Variants in CDH13 observed in about 807,000 individuals in gnomAD.
CDH13 encodes the protein cadherin-13.
Under a neutral mutation model 63.8 loss-of-function variants are expected in CDH13, and 24 were observed. That is an observed-to-expected ratio of 0.38 (90% CI 0.27 to 0.53). CDH13 has a LOEUF of 0.53. Ranked by LOEUF, CDH13 falls within the 20% of genes least tolerant of loss-of-function variation. The probability of loss-of-function intolerance (pLI) is 0.85; values close to 1 mark genes in which losing one functional copy is unlikely to be tolerated. For synonymous variants in CDH13, 503 were observed against 355.3 expected (o/e 1.42, Z -4.67); for missense variants, 1,049 against 903.1 (o/e 1.16, Z -2.07).
intron 11 of CDH13, among the ~76,000 whole-genome samples, chr16:83,758,112 A>G (rs1021706911): frequency 2.0e-5 from 3 of 152,156 alleles, no homozygotes; most frequent in African/African-American, 4.8e-5. Context: ...CTTGAAAACC[A>G]AAAAGAAAAC....
At chr16:82,695,424 C>G (rs191885977) in intron 1 of CDH13, among the ~76,000 whole-genome samples, 2 of 152,180 alleles carry the variant, frequency 1.3e-5, no homozygotes, top group African/African-American at 2.4e-5. Flanking sequence ...CAATTTTTCT[C>G]CCTTCGATCT....
intron 1 of CDH13, among the ~76,000 whole-genome samples, chr16:82,653,648 AG>A (rs1273521944): frequency 4.6e-5 from 7 of 152,090 alleles, no homozygotes; most frequent in African/African-American, 1.7e-4. Context: ...GGGAGCAGCC[AG>A]GGAGGGGGTG....
chr16:82,651,154 A>G (rs948529546), intron 1 of CDH13, among the ~76,000 whole-genome samples: 4 of 152,202 alleles, frequency 2.6e-5, no homozygotes, highest in African/African-American at 4.8e-5. Flanking sequence ...ACTATGAACA[A>G]CCATCATTAT....
intron 8 of CDH13, among the ~76,000 whole-genome samples, chr16:83,667,128 G>GATGGATGGATGT (rs755069072): frequency 3.0e-4 from 44 of 147,248 alleles, no homozygotes; most frequent in African/African-American, 8.2e-4. Context: ...TGGATGGATG[G>GATGGATGGATGT]ATAAATAGAT....
intron 7 of CDH13, among the ~76,000 whole-genome samples, chr16:83,546,689 G>T (rs1432880947): frequency 3.9e-5 from 6 of 152,032 alleles, no homozygotes; most frequent in African/African-American, 1.2e-4. Context: ...GTGGAGAGAG[G>T]GTTGTGTTTA....
chr16:83,504,402 C>T (rs1309834671), intron 7 of CDH13, among the ~76,000 whole-genome samples: 1 of 152,220 alleles, frequency 6.6e-6, no homozygotes, highest in Non-Finnish European at 1.5e-5. Context: ...AACACAGCAA[C>T]TTTCCTATGA....
chr16:83,078,387 A>AGG (rs2033003312), intron 3 of CDH13, among the ~76,000 whole-genome samples: 1 of 152,158 alleles, frequency 6.6e-6, no homozygotes, highest in Non-Finnish European at 1.5e-5. Flanking sequence ...TCACATAATC[A>AGG]GGCGTTTGTT....
chr16:82,672,642 C>T (rs906875881), intron 1 of CDH13, among the ~76,000 whole-genome samples: 2 of 152,068 alleles, frequency 1.3e-5, no homozygotes, highest in African/African-American at 4.8e-5. Context: ...ATTATTTCCT[C>T]CTCCATCTGC....
chr16:83,138,251 A>G (rs535985253), intron 4 of CDH13, among the ~76,000 whole-genome samples: 2 of 152,324 alleles, frequency 1.3e-5, no homozygotes, highest in Non-Finnish European at 2.9e-5. Flanking sequence ...TTACTGAGCA[A>G]CTACTATGTG....
intron 13 of CDH13, among the ~76,000 whole-genome samples, chr16:83,788,327 A>T (rs1239196821): frequency 6.6e-6 from 1 of 152,034 alleles, no homozygotes; most frequent in East Asian, 1.9e-4. Context: ...GGCCCATCCA[A>T]CCTATGGCAT....
chr16:83,774,826 T>A (rs977398675), intron 11 of CDH13, among the ~76,000 whole-genome samples: 1 of 152,130 alleles, frequency 6.6e-6, no homozygotes, highest in East Asian at 1.9e-4. Context: ...GAGTTTCAGT[T>A]TTGCATGGTG....
At chr16:82,784,724 G>A (rs2035922553) in intron 1 of CDH13, among the ~76,000 whole-genome samples, 1 of 152,166 alleles carries the variant, frequency 6.6e-6, no homozygotes, top group Non-Finnish European at 1.5e-5. Context: ...AGGGGAAGTA[G>A]AGGAGGTTTC....
chr16:82,650,508 A>AGG (rs1458094548), intron 1 of CDH13, among the ~76,000 whole-genome samples: 4 of 152,170 alleles, frequency 2.6e-5, no homozygotes, highest in Non-Finnish European at 4.4e-5. Flanking sequence ...AAGCCTCATT[A>AGG]ACCCAACCAC....
intron 1 of CDH13, among the ~76,000 whole-genome samples, chr16:82,734,752 C>T (rs1451802635): frequency 3.9e-5 from 6 of 152,220 alleles, no homozygotes; most frequent in African/African-American, 1.2e-4. Context: ...CCAAGACAGA[C>T]AGGCCTTTAT....
intron 4 of CDH13, among the ~76,000 whole-genome samples, chr16:83,201,296 G>T (rs925356268): frequency 6.6e-6 from 1 of 152,102 alleles, no homozygotes; most frequent in African/African-American, 2.4e-5. Flanking sequence ...TATTTAAATG[G>T]TAAATAGAGA....
At chr16:83,379,934 TATATAGAGAGAGAGAGAGAG>T (rs981355207) in intron 6 of CDH13, among the ~76,000 whole-genome samples, 1 of 86,676 alleles carries the variant, frequency 1.2e-5, no homozygotes, top group African/African-American at 4.0e-5. Context: ...TATATATATA[TATATAGAGAGAGAGAGAGAG>T]AGAGAGAGAG....
chr16:83,054,626 G>T (rs1411229632), intron 3 of CDH13, among the ~76,000 whole-genome samples: 2 of 152,104 alleles, frequency 1.3e-5, no homozygotes, highest in African/African-American at 4.8e-5. Context: ...GACTGCAATT[G>T]ACTATAGGTA....
At chr16:83,537,548 C>T (rs1315605009) in intron 7 of CDH13, among the ~76,000 whole-genome samples, 1 of 152,142 alleles carries the variant, frequency 6.6e-6, no homozygotes, top group Non-Finnish European at 1.5e-5. Flanking sequence ...CATTTGCTCA[C>T]ACTCTGGCAG....
intron 10 of CDH13, among the ~76,000 whole-genome samples, chr16:83,687,869 A>G (rs1167550124): frequency 6.6e-6 from 1 of 152,170 alleles, no homozygotes; most frequent in Non-Finnish European, 1.5e-5. Context: ...TGAACACAGA[A>G]TATCTGAATC....
Sources: allele counts gnomAD v4.1 joint callset (sites outside exome capture counted in the v4.1 genomes callset), GRCh38; gene constraint gnomAD v4.1.1; transcripts MANE v1.5; gene names NCBI Gene and HGNC (gene_info 2026-07-23, HGNC 2026-07-21).